The following XIAP variants were observed in gnomAD, a reference collection of about 807,000 sequenced individuals.
XIAP encodes the protein X-linked inhibitor of apoptosis.
In XIAP, 3 loss-of-function variants were observed where a neutral mutation model predicts 33.1. The ratio of observed to expected loss-of-function variants is 0.09; its 90% CI spans 0.04 to 0.23. The LOEUF (loss-of-function observed/expected upper bound fraction) is 0.23, where lower values mean the gene tolerates loss of function less well. Ranked by LOEUF, XIAP falls within the 10% of genes least tolerant of loss-of-function variation. The pLI is 1.00. For synonymous variants in XIAP, 98 were observed against 121.3 expected (o/e 0.81, Z 1.26); for missense variants, 264 against 363.0 (o/e 0.73, Z 2.22).
rs1266376996 is a variant in XIAP, at chrX:123,907,849, C to T, written c.*668C>T. 1 of 374,402 alleles carries T rather than the reference C, an allele frequency of 2.7e-6. No homozygotes were observed. Among genetic ancestry groups the T allele is most frequent in the African/African-American group, 2.5e-5 (1 of 39,933 alleles). The allele number at this position is 374,402 out of a possible 1,213,427, so 30.9% of individuals were successfully genotyped here. A position where few individuals can be genotyped will look rare whatever the true frequency, so the allele number is the denominator to read the frequency against. ...TAAGTGTAAAATGCAAGTGGCAAAA[C>T]ACTATGTATAGTCTGAGCCAGATCA... On this transcript the variant is annotated 3_prime_UTR_variant, in exon 7 of 7. Transcript: ENST00000371199.
chrX:123,911,157 T>C lies in XIAP; in HGVS notation c.*3976T>C. ...TACATGATAACTCAGTGATGCTTAC[T>C]CATAGTTTTTGGTGTTTCTCATAGA... On this transcript the variant is annotated 3_prime_UTR_variant, in exon 7 of 7. Coordinates refer to ENST00000371199, the MANE Select transcript of XIAP (RefSeq NM_001167.4). 1 of 329,077 alleles carries C rather than the reference T, an allele frequency of 3.0e-6. No individual in the cohort carries two copies. The highest frequency in any genetic ancestry group is 5.9e-6 in the Non-Finnish European group (1 of 169,947). The allele number at this position is 329,077 out of a possible 1,213,427, so 27.1% of individuals were successfully genotyped here.
Position 123,910,701 on chromosome X carries a change from C to G in XIAP, c.*3520C>G, listed in dbSNP as rs1299578287. The G allele has an allele frequency of 3.4e-6, 1 of 290,501 alleles. No homozygotes were observed. Among genetic ancestry groups the G allele is most frequent in the Admixed American group, 4.0e-5 (1 of 24,797 alleles). 23.9% of individuals were successfully genotyped at this position (290,501 alleles called of 1,213,427 possible). A position where few individuals can be genotyped will look rare whatever the true frequency, so the allele number is the denominator to read the frequency against. Reference sequence around the variant, plus strand: ...TGGCTAACACGGTGAAACCCCGTCTCTACTAAAAAACAGAAAATTAGCCGG... The same window carrying G: ...TGGCTAACACGGTGAAACCCCGTCTGTACTAAAAAACAGAAAATTAGCCGG... On this transcript the variant is annotated 3_prime_UTR_variant, in exon 7 of 7. Transcript: ENST00000371199.
intron 6 of XIAP, among the ~76,000 whole-genome samples, chrX:123,905,238 C>T (rs945423632): frequency 2.7e-5 from 3 of 111,698 alleles, no homozygotes; most frequent in Non-Finnish European, 5.6e-5. Flanking sequence ...CTCGCCTAAT[C>T]TTTCATGATC....
At chrX:123,883,805 A>G (rs753828279) in intron 1 of XIAP, among the ~76,000 whole-genome samples, 16 of 110,858 alleles carry the variant, frequency 1.4e-4, no homozygotes, top group African/African-American at 5.2e-4. Context: ...TGTTTTTTTT[A>G]AGACTAGTCA....
intron 6 of XIAP, among the ~76,000 whole-genome samples, chrX:123,901,807 T>C (rs1018651388): frequency 9.0e-6 from 1 of 111,234 alleles, no homozygotes; most frequent in African/African-American, 3.3e-5. Context: ...AATAAACCCT[T>C]TAATTGTCAT....
intron 1 of XIAP, among the ~76,000 whole-genome samples, chrX:123,870,368 T>C (rs1308924892): frequency 3.6e-5 from 4 of 112,248 alleles, no homozygotes; most frequent in Admixed American, 1.9e-4. Context: ...GTAGATAGTA[T>C]TTGGGTACAT....
At chrX:123,883,128 G>A (rs1485227442) in intron 1 of XIAP, among the ~76,000 whole-genome samples, 1 of 110,243 alleles carries the variant, frequency 9.1e-6, no homozygotes, top group Non-Finnish European at 1.9e-5. Context: ...TGTCGCCCAG[G>A]ATGGAGTGCA....
intron 1 of XIAP, among the ~76,000 whole-genome samples, chrX:123,870,395 T>TA (rs2053183618): frequency 8.9e-6 from 1 of 112,210 alleles, no homozygotes; most frequent in Non-Finnish European, 1.9e-5. Flanking sequence ...ACTCATGAAA[T>TA]ATGTTGTATC....
Position 123,886,305 on chromosome X carries a change from C to A in XIAP, c.643C>A (p.Arg215Ser). Residue 215 changes from arginine to serine, a missense_variant, in exon 2 of 7, where the codon CGT becomes AGT. By Grantham distance (110) the Arg-to-Ser change is moderately radical. Transcript: ENST00000371199. ...GKLKNWEPCD[R>S]AWSEHRRHFP... is the part of the protein sequence containing the mutation. ...ACTGAAAAATTGGGAACCTTGTGAT[C>A]GTGCCTGGTCAGAACACAGGCGACA... is the stretch of plus-strand genomic sequence containing the variant. 8.3e-7 allele frequency: 1 copy of A among 1,211,795 alleles called. No homozygotes were observed. Among genetic ancestry groups the A allele is most frequent in the South Asian group, 1.8e-5 (1 of 56,986 alleles).
At position 123,885,766 on chromosome X, in the gene XIAP, A is replaced by G. The variant is rs769664549; in HGVS notation, c.104A>G (p.Asn35Ser). The part of the protein sequence containing the change: ...EEFNRLKTFA[N>S]FPSGSPVSAS... ...TTTAATAGATTAAAAACTTTTGCTAATTTTCCAAGTGGTAGTCCTGTTTCA... is the reference window on the plus strand; with the variant it reads ...TTTAATAGATTAAAAACTTTTGCTAGTTTTCCAAGTGGTAGTCCTGTTTCA... Residue 35 changes from asparagine (N) to serine (S), a missense_variant, in exon 2 of 7, where the codon AAT becomes AGT. By Grantham distance (46) the Asn-to-Ser change is conservative (BLOSUM62 1). Coordinates refer to ENST00000371199, the MANE Select transcript of XIAP (RefSeq NM_001167.4). The G allele has an allele frequency of 1.7e-6, 2 of 1,211,624 alleles. No individual in the cohort carries two copies. The highest frequency in any genetic ancestry group is 4.4e-5 in the Admixed American group (2 of 45,938).
chrX:123,867,823 G>A (rs977813886), intron 1 of XIAP, among the ~76,000 whole-genome samples: 4 of 108,971 alleles, frequency 3.7e-5, no homozygotes, highest in Admixed American at 1.0e-4. Flanking sequence ...ACAGGCGCAC[G>A]CACAACCATG....
At chrX:123,906,064 A>C (rs2053553725) in intron 6 of XIAP, among the ~76,000 whole-genome samples, 1 of 112,992 alleles carries the variant, frequency 8.9e-6, no homozygotes, top group Admixed American at 9.4e-5. Context: ...AAAATATGTA[A>C]TGCATTTGGA....
chrX:123,908,404 T>C lies in XIAP; in HGVS notation c.*1223T>C, dbSNP rs1268286740. 2.7e-6 allele frequency: 1 copy of C among 375,044 alleles called. No individual in the cohort carries two copies. The highest frequency in any genetic ancestry group is 5.0e-6 in the Non-Finnish European group (1 of 198,494). The allele number at this position is 375,044 out of a possible 1,213,427, so 30.9% of individuals were successfully genotyped here. A position where few individuals can be genotyped will look rare whatever the true frequency, so the allele number is the denominator to read the frequency against. ...TAATCCTTGCTAGTTTAAGCCTGCC[T>C]AAGTCACTTTACTAAAAGATCTTTG... is the stretch of plus-strand genomic sequence containing the variant. On this transcript the variant is annotated 3_prime_UTR_variant, in exon 7 of 7. Transcript: ENST00000371199.
rs941558492 is a variant in XIAP, at chrX:123,900,836, G to A, written c.1300+143G>A. The A allele has an allele frequency of 7.5e-6, 4 of 534,614 alleles. No individual in the cohort carries two copies. In the African/African-American group the frequency reaches 9.3e-5, roughly 12 times the overall value. 44.1% of individuals were successfully genotyped at this position (534,614 alleles called of 1,213,427 possible). ...TAATGCTGTGTGTTAGTCTGCTCAA[G>A]CTGCTATAATAAAATTCCATAGACT... On this transcript the variant is annotated intron_variant, in intron 6 of 6. Transcript: ENST00000371199.
chrX:123,879,478 G>C (rs988705597), intron 1 of XIAP, among the ~76,000 whole-genome samples: 12 of 107,755 alleles, frequency 1.1e-4, no homozygotes, highest in African/African-American at 4.1e-4. Context: ...CACCATCCCA[G>C]CTAATTTTTT....
intron 1 of XIAP, among the ~76,000 whole-genome samples, chrX:123,866,501 A>AAT (rs1162476177): frequency 2.1e-5 from 2 of 96,021 alleles, no homozygotes; most frequent in African/African-American, 3.8e-5. Flanking sequence ...ATTAATATAT[A>AAT]ATATATGATA....
rs956441156 is a variant in XIAP at position 123,909,505 on chromosome X, C to A, written c.*2324C>A. The A allele has an allele frequency of 3.1e-6, 1 of 325,211 alleles. No individual in the cohort carries two copies. Among genetic ancestry groups the A allele is most frequent in the African/African-American group, 2.7e-5 (1 of 37,291 alleles). 26.8% of individuals were successfully genotyped at this position (325,211 alleles called of 1,213,427 possible). A position where few individuals can be genotyped will look rare whatever the true frequency, so the allele number is the denominator to read the frequency against. On this transcript the variant is annotated 3_prime_UTR_variant, in exon 7 of 7. Transcript: ENST00000371199. Reference sequence around the variant, plus strand: ...GTCTAGACTTTAAATTTAAAGTTTTCTACAAGGGGAGAAAAGTGTTAAAAT... The same window carrying A: ...GTCTAGACTTTAAATTTAAAGTTTTATACAAGGGGAGAAAAGTGTTAAAAT...
rs1188787238 is a variant in XIAP at position 123,911,838 on chromosome X, T to C, written c.*4657T>C. 3.0e-6 allele frequency: 1 copy of C among 329,642 alleles called. No homozygotes were observed. Among genetic ancestry groups the C allele is most frequent in the East Asian group, 9.7e-5 (1 of 10,346 alleles). The allele number at this position is 329,642 out of a possible 1,213,427, so 27.2% of individuals were successfully genotyped here. ...TCATACAGTTAACACAATGTGAATT[T>C]CTTCCTCAGCATAACAGAGTTATAG... On this transcript the variant is annotated 3_prime_UTR_variant, in exon 7 of 7. Transcript: ENST00000371199.
intron 3 of XIAP, 146 bp downstream of exon 3, chrX:123,888,864 T>G: frequency 2.0e-6 from 1 of 511,527 alleles, no homozygotes; most frequent in Non-Finnish European, 3.4e-6. Flanking sequence ...TTTATAAGCC[T>G]TCTCTGATGA....
Sources: gnomAD v4.1 joint callset for allele counts (sites outside exome capture counted in the v4.1 genomes callset) on GRCh38, gnomAD v4.1.1 for gene constraint, MANE v1.5 for transcripts, NCBI Gene and HGNC (gene_info 2026-07-23, HGNC 2026-07-21) for gene names.